The following KIF17 variants were observed in gnomAD, a reference collection of about 807,000 sequenced individuals.
KIF17 encodes kinesin-like protein KIF17.
A neutral mutation model predicts 96.8 loss-of-function variants in KIF17; 80 were observed. That is an observed-to-expected ratio of 0.83 (90% CI 0.69 to 1.00). The LOEUF (loss-of-function observed/expected upper bound fraction) is 1.00, where lower values mean the gene tolerates loss of function less well. Ranked by LOEUF, KIF17 falls within the 50% of genes least tolerant of loss-of-function variation. The pLI is 0.00. For synonymous variants in KIF17, 567 were observed against 587.5 expected, an observed-to-expected ratio of 0.97 and a Z score of 0.51; for missense variants, 1,280 against 1,372.9, an observed-to-expected ratio of 0.93 and a Z score of 1.07.
rs774469446 is a variant in KIF17 at position 20,687,817 on chromosome 1, CG to C, written c.1508del (p.Thr503ArgfsTer108). 1 of 1,614,146 alleles carries C rather than the reference CG, an allele frequency of 6.2e-7. No homozygotes were observed. The highest frequency in any genetic ancestry group is 8.5e-7 in the Non-Finnish European group (1 of 1,180,026). On this transcript the variant is annotated frameshift_variant, in exon 8 of 15. Coordinates refer to ENST00000400463, the MANE Select transcript of KIF17 (RefSeq NM_001122819.3). LOFTEE classifies it high-confidence loss of function. The surrounding 1 kb of genome is among the most constrained non-coding windows in gnomAD (Gnocchi z 4.4). ...CATCGTCACTGGGCAGAGTGTCAGT[CG>C]TGGAGAAGACCTTGGGTTTCACCAC... ...ETVVKPKVFSTTDTLPSDDVS... is the reference protein window; with the variant it reads ...ETVVKPKVFSXTDTLPSDDVS...
Position 20,709,723 on chromosome 1 carries a change from G to A in KIF17, c.586C>T (p.Arg196Cys), listed in dbSNP as rs754438385. The A allele has an allele frequency of 2.1e-5, 34 of 1,613,948 alleles. No individual in the cohort carries two copies. Among genetic ancestry groups the A allele is most frequent in the African/African-American group, 2.7e-5 (2 of 74,904 alleles). Residue 196 changes from arginine to cysteine, a missense_variant, in exon 4 of 15, where the codon CGT becomes TGT. Physicochemically the swap from Arg to Cys is radical, Grantham distance 180. Coordinates refer to ENST00000400463, the MANE Select transcript of KIF17 (RefSeq NM_001122819.3). The surrounding 1 kb of genome is among the most constrained non-coding windows in gnomAD (Gnocchi z 4.7). ...TTCATCAGCGTGTAGCCGACCGAAC[G>A]GTTCTTCCAGCCAGTCTCCATGATG... ...EHIMETGWKN[R>C]SVGYTLMNKD...
At chr1:20,668,895 A>G (rs2154534918) in intron 13 of KIF17, among the ~76,000 whole-genome samples, 1 of 152,266 alleles carries the variant, frequency 6.6e-6, no homozygotes, top group Admixed American at 6.5e-5. Context: ...TCCTTTACAG[A>G]AAAATTTTGT....
chr1:20,707,683 T>C (rs2054364195), intron 4 of KIF17, among the ~76,000 whole-genome samples: 1 of 150,792 alleles, frequency 6.6e-6, no homozygotes, highest in Non-Finnish European at 1.5e-5. Flanking sequence ...GGTGGGAGGA[T>C]TGGTTGAGCC....
rs1391116833 is a variant in KIF17, at chr1:20,709,840, G to A, written c.481-12C>T. 1.3e-6 allele frequency: 2 copies of A among 1,595,346 alleles called. No individual in the cohort carries two copies. The highest frequency in any genetic ancestry group is 4.6e-5 in the East Asian group (2 of 43,706). ...GGGTGCTCCTTCAGCTGAGGGAGGA[G>A]GAACAGTCAGGGGCGGAACCTCCAG... On this transcript the variant is annotated splice_polypyrimidine_tract_variant and intron_variant, in intron 3 of 14. Transcript: ENST00000400463. This position sits in a 1 kb window ranked among gnomAD's most constrained non-coding sequence, Gnocchi z 4.7.
At chr1:20,671,124 C>T (rs924714339) in intron 12 of KIF17, among the ~76,000 whole-genome samples, 1 of 152,114 alleles carries the variant, frequency 6.6e-6, no homozygotes, top group African/African-American at 2.4e-5. Flanking sequence ...CATGGTCCTC[C>T]CACTCACTGC....
intron 2 of KIF17, 54 bp downstream of exon 2, chr1:20,715,439 C>T (rs1198924012): frequency 1.2e-6 from 2 of 1,602,120 alleles, no homozygotes; most frequent in Non-Finnish European, 8.5e-7. Context: ...GTCAGAAGTG[C>T]TCTGGGCCCA....
chr1:20,712,639 TA>T (rs2054469869), intron 3 of KIF17, among the ~76,000 whole-genome samples: 2 of 59,512 alleles, frequency 3.4e-5, no homozygotes, highest in Non-Finnish European at 7.0e-5. Flanking sequence ...TCTATATATA[TA>T]ATATAGATAA....
rs1570443340 is a variant in KIF17, at chr1:20,681,793, A to G, written c.2463+860T>C. ...CCCAATGCTCCTCCTCATGCCACCC[A>G]GCACTGGTTCTCTCTCTCAGTTCCC... On this transcript the variant is annotated intron_variant, in intron 11 of 14. Transcript: ENST00000400463. Among the ~76,000 whole-genome samples the G allele has an allele frequency of 2.0e-5, 3 of 152,232 alleles. No homozygotes were observed. The East Asian group carries it at 5.8e-4, about 29-fold the overall frequency.
At chr1:20,681,857 C>G (rs1048327140) in intron 11 of KIF17, among the ~76,000 whole-genome samples, 2 of 152,178 alleles carry the variant, frequency 1.3e-5, no homozygotes, top group Admixed American at 1.3e-4. Flanking sequence ...CCCTGTCCCC[C>G]ACCTGTGGTA....
In KIF17 at chr1:20,699,865, G is replaced by C. The variant is rs1157511080; in HGVS notation, c.1124-1377C>G. Reference sequence around the variant, plus strand: ...TTGTGACAGCTGTGGAGGGCCGGGTGAGGGCTTTGGCTGTGACTCTGGGTT... The same window carrying C: ...TTGTGACAGCTGTGGAGGGCCGGGTCAGGGCTTTGGCTGTGACTCTGGGTT... On this transcript the variant is annotated intron_variant, in intron 5 of 14. Coordinates refer to ENST00000400463, the MANE Select transcript of KIF17 (RefSeq NM_001122819.3). The surrounding 1 kb of genome is among the most constrained non-coding windows in gnomAD (Gnocchi z 4.3). 6.6e-6 allele frequency among the ~76,000 whole-genome samples: 1 copy of C among 152,192 alleles called. No individual in the cohort carries two copies. Among genetic ancestry groups the C allele is most frequent in the Non-Finnish European group, 1.5e-5 (1 of 68,038 alleles).
Position 20,687,711 on chromosome 1 carries a change from T to G in KIF17, c.1615A>C (p.Ser539Arg), listed in dbSNP as rs747197585. The G allele has an allele frequency of 1.9e-6, 3 of 1,614,192 alleles. No homozygotes were observed. Among genetic ancestry groups the G allele is most frequent in the South Asian group, 2.2e-5 (2 of 91,082 alleles). ...PSKSEISLGSSESSSLEETSV... is the reference protein window; with the variant it reads ...PSKSEISLGSRESSSLEETSV... ...GTTTCTTCGAGCGAGGATGACTCAC[T>G]GGAGCCCAGAGAAATCTCAGATTTG... The change falls in exon 8 of 15, where the codon AGT becomes CGT. Residue 539 changes from serine to arginine, a missense_variant. Coordinates refer to ENST00000400463, the MANE Select transcript of KIF17 (RefSeq NM_001122819.3). This position sits in a 1 kb window ranked among gnomAD's most constrained non-coding sequence, Gnocchi z 4.4.
At chr1:20,667,282 C>A (rs1178874807) in intron 13 of KIF17, among the ~76,000 whole-genome samples, 2 of 152,134 alleles carry the variant, frequency 1.3e-5, no homozygotes, top group African/African-American at 4.8e-5. Context: ...CTATTGTGAA[C>A]TGCACGTGTG....
intron 11 of KIF17, among the ~76,000 whole-genome samples, chr1:20,675,988 G>A (rs960915387): frequency 6.6e-5 from 10 of 151,774 alleles, no homozygotes; most frequent in Non-Finnish European, 1.2e-4. Flanking sequence ...TGCAGTGAGC[G>A]GAAATTGTGC....
At chr1:20,695,659 T>A (rs1184910862) in intron 6 of KIF17, among the ~76,000 whole-genome samples, 1 of 149,364 alleles carries the variant, frequency 6.7e-6, no homozygotes, top group Non-Finnish European at 1.5e-5. Context: ...CTCCCTCACC[T>A]TCCCACCCAC....
At chr1:20,668,779 A>G (rs2053579964) in intron 13 of KIF17, among the ~76,000 whole-genome samples, 1 of 152,196 alleles carries the variant, frequency 6.6e-6, no homozygotes, top group African/African-American at 2.4e-5. Context: ...TTGGAACACC[A>G]TTCATTTGTG....
chr1:20,689,751 C>T (rs940528749), intron 7 of KIF17, among the ~76,000 whole-genome samples: 2 of 152,038 alleles, frequency 1.3e-5, no homozygotes, highest in Middle Eastern at 3.4e-3. Flanking sequence ...AATGTGTTTG[C>T]TTTGCTAACA....
At chr1:20,705,634 C>T (rs1218721216) in intron 4 of KIF17, among the ~76,000 whole-genome samples, 1 of 152,194 alleles carries the variant, frequency 6.6e-6, no homozygotes, top group Non-Finnish European at 1.5e-5. Flanking sequence ...GTCGCTGAGT[C>T]ACCACATCAC....
Position 20,704,814 on chromosome 1 carries a change from G to C in KIF17, c.756C>G (p.Ala252=). ...AGSERQSKTG[A]TGERLKEATK... ...TGGCCTCCTTGAGCCGCTCGCCCGT[G>C]GCCCCGGTCTTGGACTGCCGCTCGC... Residue 252 remains alanine (A), a synonymous_variant, in exon 5 of 15, where the codon GCC becomes GCG. Transcript: ENST00000400463. This position sits in a 1 kb window ranked among gnomAD's most constrained non-coding sequence, Gnocchi z 6.8. 1 of 1,607,860 alleles carries C rather than the reference G, an allele frequency of 6.2e-7. No homozygotes were observed. Among genetic ancestry groups the C allele is most frequent in the Admixed American group, 1.7e-5 (1 of 59,992 alleles).
chr1:20,663,977 CCCAA>C, downstream of KIF17: 4 of 161,264 alleles, frequency 2.5e-5, no homozygotes, highest in Middle Eastern at 3.4e-3. Context: ...AGGGAGGGGC[CCCAA>C]GTGACACTGT....
Sources: gnomAD v4.1 joint callset for allele counts (sites outside exome capture counted in the v4.1 genomes callset) on GRCh38, gnomAD v4.1.1 for gene constraint, Gnocchi (gnomAD v3.1) non-coding constraint, MANE v1.5 for transcripts, NCBI Gene and HGNC (gene_info 2026-07-23, HGNC 2026-07-21) for gene names.